The following LARP1 variants were observed in gnomAD, a reference collection of about 807,000 sequenced individuals.
LARP1 encodes the protein La ribonucleoprotein 1, translational regulator.
LARP1 carries 36 observed loss-of-function variants against 122.7 expected under a neutral mutation model. The ratio of observed to expected loss-of-function variants is 0.29; its 90% CI spans 0.22 to 0.39. The LOEUF is 0.39. Among genes scored for constraint, LARP1 ranks in the 10% least tolerant of loss-of-function variants. The pLI is 1.00. For synonymous variants in LARP1, 539 were observed against 528.7 expected (o/e 1.02, Z -0.27); for missense variants, 1,040 against 1,403.6 (o/e 0.74, Z 4.14).
chr5:154,735,701 T>A (rs970368640), intron 1 of LARP1, among the ~76,000 whole-genome samples: 1 of 151,630 alleles, frequency 6.6e-6, no homozygotes, highest in African/African-American at 2.4e-5. Flanking sequence ...CCTGAGTAGC[T>A]GGGATTACAG....
intron 1 of LARP1, among the ~76,000 whole-genome samples, chr5:154,757,594 C>T (rs527688926): frequency 1.3e-5 from 2 of 152,078 alleles, no homozygotes; most frequent in African/African-American, 4.8e-5. Flanking sequence ...TGGTTTAAAC[C>T]ATCAAAAATA....
intron 1 of LARP1, among the ~76,000 whole-genome samples, chr5:154,789,481 A>G (rs1372166825): frequency 1.3e-5 from 2 of 152,028 alleles, no homozygotes; most frequent in African/African-American, 4.8e-5. Context: ...TTGGCCCCCC[A>G]AAGTGCTGGG....
chr5:154,693,206 C>T (rs186317914), intron 1 of LARP1, among the ~76,000 whole-genome samples: 141 of 151,274 alleles, frequency 9.3e-4, no homozygotes, highest in African/African-American at 3.3e-3. Flanking sequence ...GGCATGATCT[C>T]GGCTCACTGC....
intron 1 of LARP1, among the ~76,000 whole-genome samples, chr5:154,720,645 GA>G (rs762005060): frequency 6.6e-6 from 1 of 152,172 alleles, no homozygotes; most frequent in East Asian, 1.9e-4. Context: ...CCAGGAGCTT[GA>G]GGCTGCAGTG....
rs750857476 is a variant in LARP1 at position 154,813,937 on chromosome 5, AGGTGGCGGC to A, written c.3137_3145del (p.Gly1046_Gly1048del). On this transcript the variant is annotated inframe_deletion, in exon 19 of 19. Coordinates refer to ENST00000518297, the MANE Select transcript of LARP1 (RefSeq NM_033551.3). ...ACAAGCGACACTCAGTGGTAGCAGG[AGGTGGCGGC>A]GGTGAGGGCAGGAAGCGGTGCCCCT... The A allele has an allele frequency of 2.5e-6, 4 of 1,614,082 alleles. No individual in the cohort carries two copies. Among genetic ancestry groups the A allele is most frequent in the Non-Finnish European group, 3.4e-6 (4 of 1,179,982 alleles).
chr5:154,704,526 A>G (rs191878858), intron 1 of LARP1, among the ~76,000 whole-genome samples: 2 of 152,162 alleles, frequency 1.3e-5, no homozygotes, highest in Admixed American at 6.5e-5. Context: ...TCACGCCTGT[A>G]ATCCCAGCTA....
In LARP1 at chr5:154,803,933, T is replaced by A. The variant is rs951542732; in HGVS notation, c.2439+188T>A. ...CTGCAAAATATACTGGGTGTGGGAG[T>A]GGTAACCCCATGTTGAAAGGCCTAA... On this transcript the variant is annotated intron_variant, in intron 13 of 18. Transcript: ENST00000518297. The surrounding 1 kb of genome is among the most constrained non-coding windows in gnomAD (Gnocchi z 4.4). Among the ~76,000 whole-genome samples, 1 of 152,038 alleles carries A rather than the reference T, an allele frequency of 6.6e-6. No individual in the cohort carries two copies. The highest frequency in any genetic ancestry group is 1.5e-5 in the Non-Finnish European group (1 of 68,012).
chr5:154,786,486 A>G (rs1207087050), intron 1 of LARP1: 1 of 456,062 alleles, frequency 2.2e-6, no homozygotes, highest in South Asian at 1.5e-5. Flanking sequence ...GATACCCTTT[A>G]GGGCTGGTTT....
In LARP1 at chr5:154,799,588, C is replaced by T. The variant is rs1758177716; in HGVS notation, c.1378-3C>T. The T allele has an allele frequency of 6.2e-7, 1 of 1,613,778 alleles. No homozygotes were observed. The highest frequency in any genetic ancestry group is 1.1e-5 in the South Asian group (1 of 91,074). On this transcript the variant is annotated splice_region_variant and splice_polypyrimidine_tract_variant and intron_variant, in intron 8 of 18. Transcript: ENST00000518297. ...ATCCCCTCTTCCTTCTCCTCCCCTTCAGGCCCTAAAGGACAGCAAGGTGGT... is the reference window on the plus strand; with the variant it reads ...ATCCCCTCTTCCTTCTCCTCCCCTTTAGGCCCTAAAGGACAGCAAGGTGGT...
chr5:154,711,608 G>A (rs766982139), upstream of LARP1, among the ~76,000 whole-genome samples: 1 of 152,130 alleles, frequency 6.6e-6, no homozygotes, highest in Non-Finnish European at 1.5e-5. Flanking sequence ...TCTTCTACAT[G>A]AGGATAAAGA....
chr5:154,740,055 G>A (rs1301442092), intron 1 of LARP1, among the ~76,000 whole-genome samples: 4 of 143,686 alleles, frequency 2.8e-5, no homozygotes, highest in Non-Finnish European at 6.0e-5. Context: ...GCCCGCCCTG[G>A]TCCCAAGAAA....
intron 8 of LARP1, among the ~76,000 whole-genome samples, chr5:154,795,811 CCATA>C (rs201501215): frequency 0.078 from 10,189 of 130,634 alleles, 418 homozygotes; most frequent in Admixed American, 0.15. Context: ...CCAATTGGCG[CCATA>C]TATATATTTA....
Position 154,756,274 on chromosome 5 carries a change from C to T in LARP1, c.436+81C>T, listed in dbSNP as rs1293215408. On this transcript the variant is annotated intron_variant, in intron 1 of 18. Transcript: ENST00000518297. ...GTCCCCTCCCCCAGCACCTCCAGGG[C>T]CCCGGGGTCTGCTACCGGTCATGGT... is the stretch of plus-strand genomic sequence containing the variant. 7 of 1,034,720 alleles carry T rather than the reference C, an allele frequency of 6.8e-6. No individual in the cohort carries two copies. In the Admixed American group the frequency reaches 2.8e-4, roughly 42 times the overall value. The allele number at this position is 1,034,720 out of a possible 1,614,324, so 64.1% of individuals were successfully genotyped here.
upstream of LARP1, among the ~76,000 whole-genome samples, chr5:154,711,885 A>T (rs1257344975): frequency 6.6e-6 from 1 of 152,080 alleles, no homozygotes; most frequent in Non-Finnish European, 1.5e-5. Context: ...CCTTGTCATC[A>T]TTCATGTCTC....
intron 1 of LARP1, chr5:154,757,226 G>C (rs1754028921): frequency 6.6e-6 from 1 of 151,732 alleles, no homozygotes; most frequent in Admixed American, 6.6e-5. Context: ...CCGGCGCTCC[G>C]CGAGTCCTCC....
chr5:154,817,063 A>T lies in LARP1; in HGVS notation c.*2967A>T, dbSNP rs1156412825. The T allele has an allele frequency of 2.6e-5, 4 of 151,634 alleles. No homozygotes were observed. The highest frequency in any genetic ancestry group is 5.9e-5 in the Non-Finnish European group (4 of 67,954). 9.4% of individuals were successfully genotyped at this position (151,634 alleles called of 1,614,324 possible). On this transcript the variant is annotated 3_prime_UTR_variant, in exon 19 of 19. Coordinates refer to ENST00000518297, the MANE Select transcript of LARP1 (RefSeq NM_033551.3). ...TTCCTGGTGATTGATTTTACAAAAG[A>T]AAGTAAGCTGCTTAGAAGGCCCTGG...
At chr5:154,782,610 A>G (rs987789175) in intron 1 of LARP1, among the ~76,000 whole-genome samples, 1 of 152,172 alleles carries the variant, frequency 6.6e-6, no homozygotes, top group African/African-American at 2.4e-5. Context: ...CAGACTCTGC[A>G]TTCCTGAGCT....
intron 1 of LARP1, among the ~76,000 whole-genome samples, chr5:154,695,873 GAA>G (rs372124931): frequency 3.4e-5 from 5 of 145,394 alleles, no homozygotes; most frequent in African/African-American, 1.3e-4. Context: ...ACTCTATCTC[GAA>G]AAAAAAAAAA....
chr5:154,802,491 G>C lies in LARP1; in HGVS notation c.2109+92G>C. 7.0e-7 allele frequency: 1 copy of C among 1,423,828 alleles called. No homozygotes were observed. Among genetic ancestry groups the C allele is most frequent in the Non-Finnish European group, 9.3e-7 (1 of 1,071,934 alleles). 88.2% of individuals were successfully genotyped at this position (1,423,828 alleles called of 1,614,324 possible). A position where few individuals can be genotyped will look rare whatever the true frequency, so the allele number is the denominator to read the frequency against. On this transcript the variant is annotated intron_variant, in intron 11 of 18. Transcript: ENST00000518297. This position sits in a 1 kb window ranked among gnomAD's most constrained non-coding sequence, Gnocchi z 5.1. ...CTGATTAGCTGTGCAATTTTAGGCA[G>C]GTCCTTATAATTCAGAGTCTCAGGA...
Sources: gnomAD v4.1 joint callset for allele counts (sites outside exome capture counted in the v4.1 genomes callset) on GRCh38, gnomAD v4.1.1 for gene constraint, Gnocchi (gnomAD v3.1) non-coding constraint, MANE v1.5 for transcripts, NCBI Gene and HGNC (gene_info 2026-07-23, HGNC 2026-07-21) for gene names.